The following ASPH variants were observed in gnomAD, a reference collection of about 807,000 sequenced individuals.
ASPH encodes the protein aspartate beta-hydroxylase, also known as aspartyl/asparaginyl beta-hydroxylase.
A neutral mutation model predicts 118.4 loss-of-function variants in ASPH; 100 were observed. The ratio of observed to expected loss-of-function variants is 0.84; its 90% confidence interval spans 0.72 to 1.00. The LOEUF is 1.00. Among genes scored for constraint, ASPH ranks in the 50% least tolerant of loss-of-function variants. ASPH has a pLI of 0.00. For missense variants in ASPH, 920 were observed against 919.5 expected (o/e 1.00, Z -0.01); for synonymous variants, 315 against 325.6 (o/e 0.97, Z 0.35).
At chr8:61,693,062 C>T (rs985124484) in intron 1 of ASPH, among the ~76,000 whole-genome samples, 3 of 152,140 alleles carry the variant, frequency 2.0e-5, no homozygotes, top group Admixed American at 6.5e-5. Context: ...TCATTGCTGT[C>T]ATCCACCACC....
intron 21 of ASPH, among the ~76,000 whole-genome samples, chr8:61,540,768 G>C (rs1821570247): frequency 6.6e-6 from 1 of 152,102 alleles, no homozygotes; most frequent in Non-Finnish European, 1.5e-5. Context: ...ATCTCTCACT[G>C]TAATGTAGAG....
intron 3 of ASPH, chr8:61,680,377 T>C (rs551079881): frequency 2.0e-5 from 3 of 151,950 alleles, no homozygotes; most frequent in African/African-American, 7.2e-5. Context: ...GAATACCACA[T>C]TGTTATTTAT....
chr8:61,661,961 A>C (rs772436777), intron 3 of ASPH: 139 of 440,766 alleles, frequency 3.2e-4, no homozygotes, highest in Non-Finnish European at 4.7e-4. Flanking sequence ...GTTTAAAAAA[A>C]AAATTCAAAA....
intron 23 of ASPH, 121 bp from the exon 24 acceptor site, chr8:61,517,782 T>C: frequency 7.5e-7 from 1 of 1,337,244 alleles, no homozygotes; most frequent in East Asian, 2.4e-5. Context: ...GATTTAATAT[T>C]TATATTCAAG....
intron 6 of ASPH, among the ~76,000 whole-genome samples, chr8:61,644,982 T>C (rs989176793): frequency 6.6e-6 from 1 of 152,242 alleles, no homozygotes; most frequent in Non-Finnish European, 1.5e-5. Context: ...CGACCTGTCC[T>C]ACCATTTTCT....
In ASPH at chr8:61,526,941, C is replaced by G. The variant is rs1236466301; in HGVS notation, c.1765-829G>C. On this transcript the variant is annotated intron_variant, in intron 21 of 24. Coordinates refer to ENST00000379454, the MANE Select transcript of ASPH (RefSeq NM_004318.4). ...CATCAGGAGACAAGCATAAAAACAG[C>G]TTTCCTACTTCAGGACAGAGACAAA... Among the ~76,000 whole-genome samples, 8 of 152,276 alleles carry G rather than the reference C, an allele frequency of 5.3e-5. No individual in the cohort carries two copies. The South Asian group carries it at 1.7e-3, about 32-fold the overall frequency.
intron 14 of ASPH, among the ~76,000 whole-genome samples, chr8:61,588,595 C>T (rs1840160635): frequency 6.6e-6 from 1 of 152,318 alleles, no homozygotes; most frequent in Non-Finnish European, 1.5e-5. Flanking sequence ...CCTAACTAGT[C>T]TCCCTGACTC....
At chr8:61,684,265 A>G in intron 1 of ASPH, 77 bp from the exon 2 acceptor site, 1 of 1,448,616 alleles carries the variant, frequency 6.9e-7, no homozygotes, top group Non-Finnish European at 9.3e-7. Context: ...TATTTCTCCA[A>G]TAATTTGGGA....
chr8:61,654,702 CAG>C (rs201324054), intron 3 of ASPH, among the ~76,000 whole-genome samples: 1,853 of 152,244 alleles, frequency 0.012, 42 homozygotes, highest in African/African-American at 0.043. Flanking sequence ...TTAAAAGAAA[CAG>C]AGACAGATAC....
chr8:61,604,640 T>C (rs1040655599), intron 14 of ASPH, among the ~76,000 whole-genome samples: 17 of 152,246 alleles, frequency 1.1e-4, no homozygotes, highest in Non-Finnish European at 1.5e-4. Flanking sequence ...TGATCCCTTT[T>C]ATGAATAATG....
intron 1 of ASPH, among the ~76,000 whole-genome samples, chr8:61,704,983 A>G: frequency 6.6e-6 from 1 of 152,228 alleles, no homozygotes; most frequent in East Asian, 1.9e-4. Flanking sequence ...CTCAAGAGAA[A>G]TAAAAACATA....
chr8:61,560,784 T>C (rs1452650873), intron 18 of ASPH, among the ~76,000 whole-genome samples: 1 of 152,116 alleles, frequency 6.6e-6, no homozygotes, highest in Non-Finnish European at 1.5e-5. Flanking sequence ...AAGGGATGAA[T>C]ATCCTGAAGG....
At chr8:61,541,806 A>G (rs1279170579) in intron 21 of ASPH, among the ~76,000 whole-genome samples, 2 of 152,182 alleles carry the variant, frequency 1.3e-5, no homozygotes, top group African/African-American at 4.8e-5. Context: ...TATGATTCAC[A>G]CTCTGATCTT....
chr8:61,669,079 T>C lies in ASPH; in HGVS notation c.322+11889A>G, dbSNP rs1195406665. ...CATTAGGGTTGGAGGTGCAATGTAG[T>C]GTTCATCTCCTCAGGAAGGGTGGCC... On this transcript the variant is annotated intron_variant, in intron 3 of 24. Coordinates refer to ENST00000379454, the MANE Select transcript of ASPH (RefSeq NM_004318.4). Among the ~76,000 whole-genome samples, 5 of 152,166 alleles carry C rather than the reference T, an allele frequency of 3.3e-5. No homozygotes were observed. In the East Asian group the frequency reaches 9.6e-4, roughly 29 times the overall value.
At chr8:61,613,991 T>C (rs1848252965) in intron 14 of ASPH, among the ~76,000 whole-genome samples, 1 of 152,218 alleles carries the variant, frequency 6.6e-6, no homozygotes, top group Admixed American at 6.5e-5. Context: ...AAGTACTAGT[T>C]GCACCAAGCT....
At chr8:61,583,695 T>C (rs1437195565) in intron 15 of ASPH, among the ~76,000 whole-genome samples, 1 of 152,122 alleles carries the variant, frequency 6.6e-6, no homozygotes, top group African/African-American at 2.4e-5. Flanking sequence ...ATAACTAGAA[T>C]GTGATGGAGG....
chr8:61,678,441 G>A (rs4475473), intron 3 of ASPH, among the ~76,000 whole-genome samples: 103,279 of 151,920 alleles, frequency 0.68, 35,256 homozygotes, highest in Middle Eastern at 0.74. Flanking sequence ...GGCTTAGCAC[G>A]CTTTCAAAGA....
chr8:61,690,982 A>G (rs1213407122), intron 1 of ASPH, among the ~76,000 whole-genome samples: 1 of 152,168 alleles, frequency 6.6e-6, no homozygotes, highest in African/African-American at 2.4e-5. Flanking sequence ...TTAAATTATT[A>G]GCAATATTTT....
rs1023848842 is a variant in ASPH at position 61,529,087 on chromosome 8, T to C, written c.1765-2975A>G. On this transcript the variant is annotated intron_variant, in intron 21 of 24. Coordinates refer to ENST00000379454, the MANE Select transcript of ASPH (RefSeq NM_004318.4). ...TGAAATTTCTTCAGTTTAGGGATGA[T>C]GAAATGACTCCTTGTGTGGTTAATG... Among the ~76,000 whole-genome samples, 17 of 152,354 alleles carry C rather than the reference T, an allele frequency of 1.1e-4. No individual in the cohort carries two copies. The East Asian group carries it at 3.1e-3, about 28-fold the overall frequency.
Sources: gnomAD v4.1 joint callset for allele counts (sites outside exome capture counted in the v4.1 genomes callset) on GRCh38, gnomAD v4.1.1 for gene constraint, MANE v1.5 for transcripts, NCBI Gene and HGNC (gene_info 2026-07-23, HGNC 2026-07-21) for gene names.